Variants in MIF4GD observed in about 807,000 individuals in gnomAD.
The protein encoded by MIF4GD is MIF4G domain-containing protein.
Under a neutral mutation model 26.7 loss-of-function variants are expected in MIF4GD, and 22 were observed. That is an observed-to-expected ratio of 0.82 (90% CI 0.59 to 1.18). The LOEUF (loss-of-function observed/expected upper bound fraction) is 1.18. Among genes scored for constraint, MIF4GD ranks in the 50% most tolerant of loss-of-function variants. The pLI, the probability that MIF4GD is intolerant of heterozygous loss-of-function variation, is 0.00. For missense variants in MIF4GD, 262 were observed against 279.6 expected, an observed-to-expected ratio of 0.94 and a Z score of 0.45; for synonymous variants, 137 against 111.6, an observed-to-expected ratio of 1.23 and a Z score of -1.43.
intron 2 of MIF4GD, chr17:75,269,605 G>A: frequency 1.1e-6 from 1 of 894,632 alleles, no homozygotes; most frequent in Admixed American, 3.2e-5. Context: ...CTGTAGCCAG[G>A]CTGGAGTGCA....
chr17:75,269,547 A>ATTT, intron 2 of MIF4GD: 1 of 766,082 alleles, frequency 1.3e-6, no homozygotes, highest in Non-Finnish European at 1.8e-6. Context: ...TTATGGTTAA[A>ATTT]CTTTTTTTTT....
At chr17:75,268,828 A>G (rs555361678) in intron 2 of MIF4GD, among the ~76,000 whole-genome samples, 45 of 151,744 alleles carry the variant, frequency 3.0e-4, no homozygotes, top group African/African-American at 1.1e-3. Context: ...ACATGATGAA[A>G]CCCCGTCTCT....
In MIF4GD at chr17:75,270,177, C is replaced by G. The variant is rs2077679788; in HGVS notation, c.19G>C (p.Glu7Gln). The change falls in exon 2 of 6, where the codon GAG becomes CAG. Residue 7 changes from glutamate (E) to glutamine (Q), a missense_variant. By Grantham distance (29) the Glu-to-Gln change is conservative. Coordinates refer to ENST00000325102, the MANE Select transcript of MIF4GD (RefSeq NM_001370592.1). This position sits in a 1 kb window ranked among gnomAD's most constrained non-coding sequence, Gnocchi z 5.7. The part of the protein sequence containing the change: MGEPSR[E>Q]EYKIQSFDAE... ...TCAAAGGACTGGATTTTATACTCCT[C>G]TCTACTGGGCTCCCCCATGACTAGC... is the stretch of plus-strand genomic sequence containing the variant. The G allele has an allele frequency of 2.5e-6, 4 of 1,614,092 alleles. No individual in the cohort carries two copies. Among genetic ancestry groups the G allele is most frequent in the Non-Finnish European group, 3.4e-6 (4 of 1,179,934 alleles).
At chr17:75,267,199 C>A (rs112476728) in intron 5 of MIF4GD, among the ~76,000 whole-genome samples, 13 of 152,126 alleles carry the variant, frequency 8.5e-5, no homozygotes, top group African/African-American at 3.1e-4. Flanking sequence ...ACCACTTCTT[C>A]ATCCCACTCT....
At position 75,267,823 on chromosome 17, in the gene MIF4GD, C is replaced by T. The variant is rs755542259; in HGVS notation, c.271G>A (p.Glu91Lys). 1 of 1,614,054 alleles carries T rather than the reference C, an allele frequency of 6.2e-7. No homozygotes were observed. Among genetic ancestry groups the T allele is most frequent in the Non-Finnish European group, 8.5e-7 (1 of 1,180,016 alleles). ...TGCAGGGAGCGTGCTCGCAGCTGCT[C>T]CCGAGCCTGGTACTCCTGCTGCAGC... ...NRLQQEYQAR[E>K]QLRARSLQGW... is the part of the protein sequence containing the mutation. Residue 91 changes from glutamate (E) to lysine (K), a missense_variant, in exon 4 of 6, where the codon GAG becomes AAG. Transcript: ENST00000325102.
Position 75,267,979 on chromosome 17 carries a change from C to T in MIF4GD, c.193-78G>A, listed in dbSNP as rs2077565100. 13 of 1,595,850 alleles carry T rather than the reference C, an allele frequency of 8.1e-6. No homozygotes were observed. In the South Asian group the frequency reaches 1.5e-4, roughly 18 times the overall value. ...CCACCCATCCTATGCCTCTCTCTCT[C>T]TTTGAGCTAGACCCTGTGCATCTCT... On this transcript the variant is annotated intron_variant, in intron 3 of 5. Transcript: ENST00000325102.
chr17:75,271,169 T>C lies in MIF4GD; in HGVS notation c.-76A>G, dbSNP rs1006628961. 8 of 148,280 alleles carry C rather than the reference T, an allele frequency of 5.4e-5. No individual in the cohort carries two copies. The highest frequency in any genetic ancestry group is 2.0e-4 in the East Asian group (1 of 5,084). 9.2% of individuals were successfully genotyped at this position (148,280 alleles called of 1,614,324 possible). On this transcript the variant is annotated 5_prime_UTR_variant, in exon 1 of 6. Transcript: ENST00000325102. This position sits in a 1 kb window ranked among gnomAD's most constrained non-coding sequence, Gnocchi z 4.2. ...CTGCCGGGCCGGTGGCGCGCGCGCG[T>C]GCCCGGGGCCGCTCGGCGCCTGGGA...
At chr17:75,267,153 C>G (rs1480024394) in intron 5 of MIF4GD, among the ~76,000 whole-genome samples, 186 bp from the exon 6 acceptor site, 1 of 152,052 alleles carries the variant, frequency 6.6e-6, no homozygotes, top group African/African-American at 2.4e-5. Flanking sequence ...CCTGAGGTCC[C>G]TCATCTGGCC....
At chr17:75,267,185 C>CCAAACCACTTCTT (rs11267775) in intron 5 of MIF4GD, among the ~76,000 whole-genome samples, 103,584 of 151,494 alleles carry the variant, frequency 0.68, 39,107 homozygotes, top group East Asian at 0.86. Flanking sequence ...AAGCCTGTCT[C>CCAAACCACTTCTT]CAAACCACTT....
Position 75,267,897 on chromosome 17 carries a change from T to A in MIF4GD, c.197A>T (p.Glu66Val). 1.2e-6 allele frequency: 2 copies of A among 1,611,632 alleles called. No homozygotes were observed. Among genetic ancestry groups the A allele is most frequent in the South Asian group, 1.1e-5 (1 of 90,858 alleles). ...GRMCYAIIQA[E>V]SKQAGQSVFR... Reference sequence around the variant, plus strand: ...GACACTCTGGCCTGCTTGTTTACTCTCTGCCTGTGAGCCAGGGAGAGGAAG... The same window carrying A: ...GACACTCTGGCCTGCTTGTTTACTCACTGCCTGTGAGCCAGGGAGAGGAAG... The change falls in exon 4 of 6, where the codon GAG becomes GTG. Residue 66 changes from glutamate to valine, a missense_variant. Glu to Val is a moderately radical substitution (Grantham distance 121). Transcript: ENST00000325102.
chr17:75,269,245 T>G, intron 2 of MIF4GD: 1 of 1,347,850 alleles, frequency 7.4e-7, no homozygotes, highest in East Asian at 2.3e-5. Context: ...GTTCTTATAC[T>G]ACACACATGC....
At chr17:75,267,463 T>A in intron 5 of MIF4GD, 75 bp downstream of exon 5, 2 of 1,444,058 alleles carry the variant, frequency 1.4e-6, no homozygotes, top group African/African-American at 1.4e-5. Flanking sequence ...CCGTGAGCAG[T>A]GGGCTGACAC....
chr17:75,267,659 C>G, intron 4 of MIF4GD, 29 bp from the exon 5 acceptor site: 1 of 1,614,030 alleles, frequency 6.2e-7, no homozygotes, highest in Non-Finnish European at 8.5e-7. Flanking sequence ...GTCAGAGCAC[C>G]AGGCTTAGTG....
Position 75,270,209 on chromosome 17 carries a change from C to G in MIF4GD, c.-14G>C, listed in dbSNP as rs750324064. 9.9e-6 allele frequency: 16 copies of G among 1,609,226 alleles called. 1 individual carries two copies. The Admixed American group carries it at 2.2e-4, about 22-fold the overall frequency. ...GGGCTCCCCCATGACTAGCCAGCCCCGGTAGCTCTTGACTGGGCTGGGAAT... is the reference window on the plus strand; with the variant it reads ...GGGCTCCCCCATGACTAGCCAGCCCGGGTAGCTCTTGACTGGGCTGGGAAT... On this transcript the variant is annotated 5_prime_UTR_variant, in exon 2 of 6. Transcript: ENST00000325102. The surrounding 1 kb of genome is among the most constrained non-coding windows in gnomAD (Gnocchi z 5.7).
chr17:75,267,244 C>T (rs2077523864), intron 5 of MIF4GD, among the ~76,000 whole-genome samples: 1 of 152,206 alleles, frequency 6.6e-6, no homozygotes, highest in Non-Finnish European at 1.5e-5. Context: ...CCTGGTTTGG[C>T]TTTGGGGCCG....
In MIF4GD at chr17:75,267,872, G is replaced by T; in HGVS notation, c.222C>A (p.Val74=). Residue 74 remains valine, a synonymous_variant, in exon 4 of 6, where the codon GTC becomes GTA. Transcript: ENST00000325102. ...QAESKQAGQS[V]FRRGLLNRLQ... ...GCCGGTTGAGGAGTCCACGTCGGAA[G>T]ACACTCTGGCCTGCTTGTTTACTCT... 1 of 1,613,564 alleles carries T rather than the reference G, an allele frequency of 6.2e-7. No individual in the cohort carries two copies.
chr17:75,267,307 TCTGA>T, intron 5 of MIF4GD: 1 of 605,710 alleles, frequency 1.7e-6, no homozygotes, highest in Non-Finnish European at 2.9e-6. Context: ...ACGTTGGCTT[TCTGA>T]CTGAGAAGGA....
rs1242541711 is a variant in MIF4GD at position 75,266,322 on chromosome 17, CTT to C, written c.*416_*417del. Reference sequence around the variant, plus strand: ...AGTGAAACTGGCTGGAGGAAATAGGCTTGTTTCCAGAGTTGTCCTTATACAAA... The same window carrying C: ...AGTGAAACTGGCTGGAGGAAATAGGCGTTTCCAGAGTTGTCCTTATACAAA... On this transcript the variant is annotated 3_prime_UTR_variant, in exon 6 of 6. Transcript: ENST00000325102. The C allele has an allele frequency of 2.8e-6, 1 of 351,544 alleles. No homozygotes were observed. 21.8% of individuals were successfully genotyped at this position (351,544 alleles called of 1,614,324 possible). A position where few individuals can be genotyped will look rare whatever the true frequency, so the allele number is the denominator to read the frequency against.
rs865930240 is a variant in MIF4GD at position 75,268,689 on chromosome 17, G to T, written c.83-497C>A. Among the ~76,000 whole-genome samples, 1,120 of 138,474 alleles carry T rather than the reference G, an allele frequency of 8.1e-3. 12 individuals are homozygous for T. Among genetic ancestry groups the T allele is most frequent in the African/African-American group, 0.027 (1,018 of 37,386 alleles). 90.8% of individuals were successfully genotyped at this position (138,474 alleles called of 152,430 possible). A position where few individuals can be genotyped will look rare whatever the true frequency, so the allele number is the denominator to read the frequency against. ...TCCGTCTCAAAAAAAAAAAAAAAAA[G>T]AAAAAAATAAAAGAAATCATACAGA... On this transcript the variant is annotated intron_variant, in intron 2 of 5. Transcript: ENST00000325102.
Sources: gnomAD v4.1 joint callset for allele counts (sites outside exome capture counted in the v4.1 genomes callset) on GRCh38, gnomAD v4.1.1 for gene constraint, Gnocchi (gnomAD v3.1) non-coding constraint, MANE v1.5 for transcripts, NCBI Gene and HGNC (gene_info 2026-07-23, HGNC 2026-07-21) for gene names.